The following OOSP4B variants were observed in gnomAD, a reference collection of about 807,000 sequenced individuals.
The protein encoded by OOSP4B is oocyte-secreted protein 4B.
intron 1 of OOSP4B, 65 bp downstream of exon 1, chr11:60,017,478 G>A (rs1472339463): frequency 2.5e-6 from 1 of 398,306 alleles, no homozygotes; most frequent in African/African-American, 2.1e-5. Flanking sequence ...GTATGCATAA[G>A]AAATATCTTC....
At chr11:60,018,761 T>G (rs1242649637) in intron 1 of OOSP4B, among the ~76,000 whole-genome samples, 3 of 152,210 alleles carry the variant, frequency 2.0e-5, no homozygotes, top group African/African-American at 7.2e-5. Flanking sequence ...TTCTTTGAGA[T>G]TTCAATGCCT....
intron 3 of OOSP4B, among the ~76,000 whole-genome samples, chr11:60,025,379 T>A (rs1171971411): frequency 6.6e-6 from 1 of 152,238 alleles, no homozygotes; most frequent in African/African-American, 2.4e-5. Flanking sequence ...CACAAGTTAA[T>A]GCATTTGTCA....
rs184074469 is a variant in OOSP4B, at chr11:60,023,056, T to C, written c.23-824T>C. 3.6e-3 allele frequency among the ~76,000 whole-genome samples: 543 copies of C among 152,350 alleles called. 1 individual carries two copies. Among genetic ancestry groups the C allele is most frequent in the African/African-American group, 0.012 (507 of 41,568 alleles). On this transcript the variant is annotated intron_variant, in intron 1 of 4. Coordinates refer to ENST00000642343, the Ensembl canonical transcript of OOSP4B. ...AATTGAGCATTTAAGTTCTAGGCAG[T>C]GTTCCAAGATCTTTTATATGCCTTA...
chr11:60,020,835 A>G (rs913927092), intron 1 of OOSP4B, among the ~76,000 whole-genome samples: 11 of 152,218 alleles, frequency 7.2e-5, no homozygotes, highest in Admixed American at 6.5e-4. Context: ...ACTTGAACCC[A>G]GGAGGTGGAG....
At chr11:60,022,944 G>A (rs1375921436) in intron 1 of OOSP4B, among the ~76,000 whole-genome samples, 1 of 152,134 alleles carries the variant, frequency 6.6e-6, no homozygotes, top group Non-Finnish European at 1.5e-5. Context: ...GAGGATGGAT[G>A]GATGGAGATC....
At chr11:60,019,703 G>C (rs939084399) in intron 1 of OOSP4B, 4 of 152,272 alleles carry the variant, frequency 2.6e-5, no homozygotes, top group African/African-American at 9.7e-5. Flanking sequence ...AGCTCATAAA[G>C]GCAGTGTGGA....
intron 1 of OOSP4B, among the ~76,000 whole-genome samples, chr11:60,020,802 C>T (rs1035117022): frequency 6.6e-6 from 1 of 152,210 alleles, no homozygotes; most frequent in East Asian, 1.9e-4. Context: ...TCCAGCTACT[C>T]CAGAGGCTGA....
chr11:60,022,633 G>T (rs1352981913), intron 1 of OOSP4B, among the ~76,000 whole-genome samples: 2 of 152,128 alleles, frequency 1.3e-5, no homozygotes, highest in South Asian at 2.1e-4. Flanking sequence ...ACTGTCCTGG[G>T]ATTAAAACCT....
At chr11:60,027,395 CCCCATACTTCCT>C (rs1170241535) in intron 3 of OOSP4B, among the ~76,000 whole-genome samples, 14 of 151,850 alleles carry the variant, frequency 9.2e-5, no homozygotes, top group Non-Finnish European at 2.1e-4. Flanking sequence ...GGTATGAGTC[CCCCATACTTCCT>C]GGAACGGGGT....
intron 3 of OOSP4B, among the ~76,000 whole-genome samples, chr11:60,027,982 A>T (rs1854762079): frequency 6.6e-6 from 1 of 151,632 alleles, no homozygotes; most frequent in Non-Finnish European, 1.5e-5. Flanking sequence ...TCATGGAAAG[A>T]AGTGGTACTT....
exon 2 of OOSP4B, chr11:60,023,894 T>C: frequency 2.5e-6 from 1 of 398,628 alleles, no homozygotes; most frequent in East Asian, 3.6e-5. Flanking sequence ...AACTGCAATG[T>C]GCTCTGATGA....
intron 1 of OOSP4B, among the ~76,000 whole-genome samples, chr11:60,018,916 TAAA>T (rs1225247436): frequency 6.6e-6 from 1 of 152,076 alleles, no homozygotes; most frequent in East Asian, 1.9e-4. Flanking sequence ...TAAAATGAGT[TAAA>T]AACCTAGTGC....
chr11:60,025,928 A>C (rs907938327), intron 3 of OOSP4B, among the ~76,000 whole-genome samples: 2 of 152,152 alleles, frequency 1.3e-5, no homozygotes, highest in Non-Finnish European at 2.9e-5. Flanking sequence ...GAATAGGTGC[A>C]TAGTCATATT....
Position 60,025,599 on chromosome 11 carries a change from C to T in OOSP4B, c.302+594C>T, listed in dbSNP as rs368617377. On this transcript the variant is annotated intron_variant, in intron 3 of 4. Transcript: ENST00000642343. Reference sequence around the variant, plus strand: ...TTGAAACTCGTTTATGTTGTATATTCCAGTAGCTTGTTTCTTTATATTGCC... The same window carrying T: ...TTGAAACTCGTTTATGTTGTATATTTCAGTAGCTTGTTTCTTTATATTGCC... Among the ~76,000 whole-genome samples, 21 of 152,210 alleles carry T rather than the reference C, an allele frequency of 1.4e-4. No homozygotes were observed. The South Asian group carries it at 4.2e-3, about 30-fold the overall frequency.
intron 1 of OOSP4B, among the ~76,000 whole-genome samples, chr11:60,018,365 G>A (rs902445687): frequency 6.6e-6 from 1 of 152,092 alleles, no homozygotes; most frequent in Admixed American, 6.5e-5. Context: ...TTTGTCACTC[G>A]TATCTAGTGG....
intron 3 of OOSP4B, among the ~76,000 whole-genome samples, chr11:60,025,765 G>T (rs955677319): frequency 6.6e-6 from 1 of 152,122 alleles, no homozygotes; most frequent in Admixed American, 6.5e-5. Context: ...AAATACCTAA[G>T]AATGGGACTG....
chr11:60,028,064 T>C (rs1282269539), intron 3 of OOSP4B, among the ~76,000 whole-genome samples: 3 of 151,614 alleles, frequency 2.0e-5, no homozygotes, highest in African/African-American at 7.3e-5. Context: ...TTCCTACTTC[T>C]GATTCCTGAG....
At position 60,030,735 on chromosome 11, in the gene OOSP4B, C is replaced by T. The variant is rs188430933; in HGVS notation, c.451-67C>T. 5.3e-4 allele frequency: 211 copies of T among 397,718 alleles called. 3 individuals are homozygous for T. In the East Asian group the frequency reaches 6.7e-3, roughly 13 times the overall value. 24.6% of individuals were successfully genotyped at this position (397,718 alleles called of 1,614,324 possible). A position where few individuals can be genotyped will look rare whatever the true frequency, so the allele number is the denominator to read the frequency against. ...ATTGAGCACCCATGAGTTCTCTGAA[C>T]GTGTTTTCTTTTTAGGTAAGGTTAT... is the stretch of plus-strand genomic sequence containing the variant. On this transcript the variant is annotated intron_variant, in intron 4 of 4. Coordinates refer to ENST00000642343, the Ensembl canonical transcript of OOSP4B.
rs1433485545 is a variant in OOSP4B, at chr11:60,025,082, A to G, written c.302+77A>G. 6 of 396,770 alleles carry G rather than the reference A, an allele frequency of 1.5e-5. No individual in the cohort carries two copies. The East Asian group carries it at 2.2e-4, about 14-fold the overall frequency. 24.6% of individuals were successfully genotyped at this position (396,770 alleles called of 1,614,324 possible). A position where few individuals can be genotyped will look rare whatever the true frequency, so the allele number is the denominator to read the frequency against. On this transcript the variant is annotated intron_variant, in intron 3 of 4. Coordinates refer to ENST00000642343, the Ensembl canonical transcript of OOSP4B. ...AGATGTTTCTGTTAAGAATGCAGCT[A>G]TAAAAATGCCCTGGAGGGATGTGTA...
Sources: gnomAD v4.1 joint callset for allele counts (sites outside exome capture counted in the v4.1 genomes callset) on GRCh38, gnomAD v4.1.1 for gene constraint, MANE v1.5 for transcripts, NCBI Gene and HGNC (gene_info 2026-07-23, HGNC 2026-07-21) for gene names.